Variants in CCDC60 observed in about 807,000 individuals in gnomAD.
CCDC60 encodes coiled-coil domain containing 60.
Under a neutral mutation model 63.5 loss-of-function variants are expected in CCDC60, and 54 were observed. The observed-to-expected ratio is 0.85, with a 90% CI of 0.68 to 1.07. The LOEUF (loss-of-function observed/expected upper bound fraction) is 1.07, where lower values mean the gene tolerates loss of function less well. Among genes scored for constraint, CCDC60 ranks in the 50% least tolerant of loss-of-function variants. CCDC60 has a pLI of 0.00. For synonymous variants in CCDC60, 206 were observed against 238.8 expected (o/e 0.86, Z 1.27); for missense variants, 651 against 684.3 (o/e 0.95, Z 0.54).
chr12:119,439,921 A>T (rs1439235555), intron 2 of CCDC60, among the ~76,000 whole-genome samples: 3 of 152,252 alleles, frequency 2.0e-5, no homozygotes. Context: ...CTACAGGGAC[A>T]TGGAAGAAGC....
chr12:119,345,775 A>C (rs1342432947), intron 1 of CCDC60, among the ~76,000 whole-genome samples: 1 of 151,816 alleles, frequency 6.6e-6, no homozygotes, highest in Non-Finnish European at 1.5e-5. Context: ...CTCTCTCACT[A>C]TCTGGCTGTA....
chr12:119,385,527 C>A (rs569541878), intron 1 of CCDC60, among the ~76,000 whole-genome samples: 1 of 152,232 alleles, frequency 6.6e-6, no homozygotes, highest in East Asian at 1.9e-4. Context: ...CCTGCTGCCA[C>A]GTAAGACGTG....
At chr12:119,338,297 A>G (rs1955494963) in intron 1 of CCDC60, among the ~76,000 whole-genome samples, 1 of 152,204 alleles carries the variant, frequency 6.6e-6, no homozygotes, top group Admixed American at 6.5e-5. Flanking sequence ...GGTAAATCAA[A>G]TGAATAATAA....
At position 119,511,732 on chromosome 12, in the gene CCDC60, C is replaced by T. The variant is rs570446538; in HGVS notation, c.884-4891C>T. Among the ~76,000 whole-genome samples, 391 of 152,254 alleles carry T rather than the reference C, an allele frequency of 2.6e-3. 2 individuals carry two copies. Among genetic ancestry groups the T allele is most frequent in the Middle Eastern group, 0.01 (3 of 294 alleles). On this transcript the variant is annotated intron_variant, in intron 7 of 13. Transcript: ENST00000327554. ...TGCTCTAGAAGGACTGCTTGATGTG[C>T]CAGGTCGCTGTGGTCATTTGCTGAT...
At position 119,492,799 on chromosome 12, in the gene CCDC60, A is replaced by G. The variant is rs190280254; in HGVS notation, c.557+3933A>G. 1.7e-3 allele frequency among the ~76,000 whole-genome samples: 264 copies of G among 152,356 alleles called. 4 individuals carry two copies. The highest frequency in any genetic ancestry group is 1.3e-4 in the Non-Finnish European group (9 of 68,038). On this transcript the variant is annotated intron_variant, in intron 5 of 13. Coordinates refer to ENST00000327554, the MANE Select transcript of CCDC60 (RefSeq NM_178499.5). ...GTAAGAATTAAGCAAAATCAAGTCCATAGAGGATTTAGCCTAATATCTGGG... is the reference window on the plus strand; with the variant it reads ...GTAAGAATTAAGCAAAATCAAGTCCGTAGAGGATTTAGCCTAATATCTGGG...
At chr12:119,521,047 C>T (rs2136492366) in intron 9 of CCDC60, among the ~76,000 whole-genome samples, 1 of 152,210 alleles carries the variant, frequency 6.6e-6, no homozygotes, top group South Asian at 2.1e-4. Flanking sequence ...TAAATGCGTA[C>T]TATACAGTAT....
intron 2 of CCDC60, among the ~76,000 whole-genome samples, chr12:119,443,070 CACAG>C (rs1950477840): frequency 6.6e-6 from 1 of 152,230 alleles, no homozygotes; most frequent in South Asian, 2.1e-4. Flanking sequence ...AGCTGAGCCA[CACAG>C]ACAGTGCCAA....
intron 4 of CCDC60, among the ~76,000 whole-genome samples, chr12:119,480,875 CCAT>C (rs1175786429): frequency 3.5e-5 from 5 of 144,818 alleles, no homozygotes; most frequent in African/African-American, 7.7e-5. Flanking sequence ...ATCACCATCA[CCAT>C]CATCATCACC....
chr12:119,359,799 A>G (rs1449939325), intron 1 of CCDC60, among the ~76,000 whole-genome samples: 1 of 152,078 alleles, frequency 6.6e-6, no homozygotes, highest in African/African-American at 2.4e-5. Flanking sequence ...CCCTTAATCC[A>G]TTTAACTCTG....
intron 1 of CCDC60, among the ~76,000 whole-genome samples, chr12:119,396,560 A>C (rs150573806): frequency 1.5e-3 from 224 of 152,294 alleles, no homozygotes; most frequent in African/African-American, 5.0e-3. Context: ...ATAATGACAC[A>C]GTGAGTCCCA....
chr12:119,350,786 A>G (rs1264131702), intron 1 of CCDC60, among the ~76,000 whole-genome samples: 1 of 151,954 alleles, frequency 6.6e-6, no homozygotes, highest in Non-Finnish European at 1.5e-5. Context: ...TCAGAAGTCC[A>G]CCCCATTCAG....
rs1243421387 is a variant in CCDC60 at position 119,511,078 on chromosome 12, A to G, written c.884-5545A>G. On this transcript the variant is annotated intron_variant, in intron 7 of 13. Transcript: ENST00000327554. ...ACCTTCATCCTAGCACACAGTAGGAACACAAAAATGACTGAAAAAAAATGA... is the reference window on the plus strand; with the variant it reads ...ACCTTCATCCTAGCACACAGTAGGAGCACAAAAATGACTGAAAAAAAATGA... Among the ~76,000 whole-genome samples, 4 of 152,348 alleles carry G rather than the reference A, an allele frequency of 2.6e-5. No homozygotes were observed. The East Asian group carries it at 7.7e-4, about 29-fold the overall frequency.
intron 1 of CCDC60, among the ~76,000 whole-genome samples, chr12:119,380,290 C>A (rs776673289): frequency 6.6e-6 from 1 of 152,168 alleles, no homozygotes; most frequent in African/African-American, 2.4e-5. Flanking sequence ...AACTCTTGGT[C>A]GGAATTTGGT....
chr12:119,437,512 A>C (rs1411904588), intron 2 of CCDC60, among the ~76,000 whole-genome samples: 2 of 152,216 alleles, frequency 1.3e-5, no homozygotes, highest in African/African-American at 4.8e-5. Flanking sequence ...ATTAACTCAA[A>C]TTGAGGCTTG....
At chr12:119,494,988 G>C (rs58934674) in intron 5 of CCDC60, among the ~76,000 whole-genome samples, 1 of 152,090 alleles carries the variant, frequency 6.6e-6, no homozygotes, top group Admixed American at 6.5e-5. Context: ...TCTCAAATAT[G>C]ACACAAACAT....
At chr12:119,537,478 G>A (rs1362866204) in intron 13 of CCDC60, among the ~76,000 whole-genome samples, 1 of 152,216 alleles carries the variant, frequency 6.6e-6, no homozygotes, top group African/African-American at 2.4e-5. Flanking sequence ...CGATCCTTTG[G>A]AGGAGAAGAG....
chr12:119,445,433 C>CAA (rs58415660), intron 2 of CCDC60, among the ~76,000 whole-genome samples: 487 of 26,804 alleles, frequency 0.018, 24 homozygotes, highest in African/African-American at 0.056. Flanking sequence ...GACTCCATCT[C>CAA]AAAAAAAAAA....
At chr12:119,395,751 G>A (rs1956240644) in intron 1 of CCDC60, among the ~76,000 whole-genome samples, 1 of 152,170 alleles carries the variant, frequency 6.6e-6, no homozygotes, top group Non-Finnish European at 1.5e-5. Context: ...TTCTCTCCCA[G>A]CTCAGGAGGT....
intron 6 of CCDC60, among the ~76,000 whole-genome samples, chr12:119,501,049 T>C (rs1289216696): frequency 1.3e-5 from 2 of 152,126 alleles, no homozygotes; most frequent in African/African-American, 4.8e-5. Context: ...CAAAAGGTAA[T>C]ATTGAGATAG....
Sources: gnomAD v4.1 joint callset for allele counts (sites outside exome capture counted in the v4.1 genomes callset) on GRCh38, gnomAD v4.1.1 for gene constraint, MANE v1.5 for transcripts, NCBI Gene and HGNC (gene_info 2026-07-23, HGNC 2026-07-21) for gene names.